NEBL: variants seen among roughly 807,000 people sequenced by gnomAD.
The protein encoded by NEBL is LIM and SH3 protein 2.
In NEBL, 122 loss-of-function variants were observed where a neutral mutation model predicts 140.2. The observed-to-expected ratio is 0.87, with a 90% CI of 0.75 to 1.01. The LOEUF (loss-of-function observed/expected upper bound fraction) is 1.01, where lower values mean the gene tolerates loss of function less well. NEBL is among the 50% of genes least tolerant of loss of function. The probability of loss-of-function intolerance (pLI) is 0.00; values close to 1 mark genes in which losing one functional copy is unlikely to be tolerated. For missense variants in NEBL, 1,365 were observed against 1,231.3 expected, an observed-to-expected ratio of 1.11 and a Z score of -1.62; for synonymous variants, 436 against 398.9, an observed-to-expected ratio of 1.09 and a Z score of -1.11.
At chr10:20,895,545 A>G (rs1847403336) in intron 2 of NEBL, among the ~76,000 whole-genome samples, 1 of 152,206 alleles carries the variant, frequency 6.6e-6, no homozygotes, top group Non-Finnish European at 1.5e-5. Context: ...GGCACACAAT[A>G]GTCACTAAAT....
chr10:20,950,796 G>C (rs1190119136), intron 4 of NEBL, among the ~76,000 whole-genome samples: 1 of 152,098 alleles, frequency 6.6e-6, no homozygotes, highest in Non-Finnish European at 1.5e-5. Context: ...TTTGTTTATG[G>C]GAAATTGATT....
intron 3 of NEBL, among the ~76,000 whole-genome samples, chr10:21,217,389 T>A (rs1157901909): frequency 2.0e-5 from 3 of 152,176 alleles, no homozygotes; most frequent in Non-Finnish European, 4.4e-5. Flanking sequence ...CAGGGGAAAC[T>A]CTATCTGGTT....
chr10:20,992,493 T>C (rs1589116111), intron 3 of NEBL, among the ~76,000 whole-genome samples: 1 of 152,052 alleles, frequency 6.6e-6, no homozygotes, highest in Admixed American at 6.6e-5. Context: ...GGCTCAAGGG[T>C]GGCACAGGCC....
chr10:21,238,840 T>G (rs951347349), intron 3 of NEBL, among the ~76,000 whole-genome samples: 2 of 152,036 alleles, frequency 1.3e-5, no homozygotes, highest in Non-Finnish European at 2.9e-5. Context: ...GGCAGGTGTC[T>G]GACTAGTTAC....
intron 26 of NEBL, among the ~76,000 whole-genome samples, chr10:20,807,552 C>T (rs577077774): frequency 7.2e-5 from 11 of 152,194 alleles, no homozygotes; most frequent in Non-Finnish European, 1.5e-4. Flanking sequence ...TAGTGTTTCA[C>T]TGTAATGAGT....
chr10:21,034,167 GAAAAAAA>G (rs964552949), intron 2 of NEBL, among the ~76,000 whole-genome samples: 2,042 of 33,492 alleles, frequency 0.061, 66 homozygotes, highest in African/African-American at 0.16. Flanking sequence ...ACCCTATCTC[GAAAAAAA>G]AAAAAAAAAA....
chr10:21,149,917 C>A (rs1215867626), intron 2 of NEBL, among the ~76,000 whole-genome samples: 3 of 152,174 alleles, frequency 2.0e-5, no homozygotes, highest in Non-Finnish European at 2.9e-5. Context: ...AAATCCCTCA[C>A]ACATCTGGTC....
At chr10:20,798,604 T>C (rs1287347229) in intron 26 of NEBL, among the ~76,000 whole-genome samples, 2 of 152,236 alleles carry the variant, frequency 1.3e-5, no homozygotes, top group African/African-American at 2.4e-5. Context: ...CTCCTTTACA[T>C]GCATGTCACT....
chr10:21,027,035 T>C (rs555639556), intron 2 of NEBL, among the ~76,000 whole-genome samples: 14 of 152,322 alleles, frequency 9.2e-5, no homozygotes, highest in Non-Finnish European at 1.9e-4. Flanking sequence ...TAAGCGCATC[T>C]TGTGTGGCTC....
At chr10:20,940,640 A>C (rs1426563739) in intron 4 of NEBL, among the ~76,000 whole-genome samples, 1 of 141,622 alleles carries the variant, frequency 7.1e-6, no homozygotes, top group African/African-American at 2.7e-5. Flanking sequence ...ATCAATGAAC[A>C]CAAGGAGCTG....
intron 2 of NEBL, among the ~76,000 whole-genome samples, chr10:21,076,824 A>G (rs188669661): frequency 2.8e-4 from 43 of 152,322 alleles, no homozygotes; most frequent in African/African-American, 9.1e-4. Context: ...TCATAGAGAC[A>G]GAAACTAGGC....
At chr10:20,983,588 T>C (rs1178017365) in intron 3 of NEBL, among the ~76,000 whole-genome samples, 3 of 152,228 alleles carry the variant, frequency 2.0e-5, no homozygotes, top group African/African-American at 7.2e-5. Context: ...TGTCCATAGG[T>C]ATTCACAAGC....
chr10:21,219,758 A>G (rs1349615751), intron 3 of NEBL, among the ~76,000 whole-genome samples: 1 of 151,358 alleles, frequency 6.6e-6, no homozygotes, highest in Non-Finnish European at 1.5e-5. Flanking sequence ...CTCTTCAACT[A>G]CCTTTATCAA....
chr10:20,902,110 A>G (rs1564434429), upstream of NEBL, among the ~76,000 whole-genome samples: 1 of 152,110 alleles, frequency 6.6e-6, no homozygotes, highest in Non-Finnish European at 1.5e-5. Context: ...TGCTATTAAG[A>G]TTTAATAAGG....
chr10:21,045,978 C>T (rs1159843689), intron 2 of NEBL, among the ~76,000 whole-genome samples: 3 of 149,064 alleles, frequency 2.0e-5, no homozygotes, highest in Admixed American at 6.8e-5. Context: ...AAGTGCCCGT[C>T]GGCAGATGAA....
intron 5 of NEBL, among the ~76,000 whole-genome samples, chr10:20,870,939 C>G (rs1481186194): frequency 6.6e-6 from 1 of 152,200 alleles, no homozygotes; most frequent in Non-Finnish European, 1.5e-5. Flanking sequence ...TCCGATGGCC[C>G]ATGTTTCACT....
intron 3 of NEBL, among the ~76,000 whole-genome samples, chr10:21,242,596 G>A (rs547008289): frequency 1.3e-5 from 2 of 151,970 alleles, no homozygotes; most frequent in Non-Finnish European, 2.9e-5. Flanking sequence ...CATGTACCCT[G>A]AGCCTAAAAT....
In NEBL at chr10:21,261,202, C is replaced by T. The variant is rs186180302; in HGVS notation, n.183-9374G>A. On this transcript the variant is annotated intron_variant and non_coding_transcript_variant, in intron 1 of 8. Coordinates refer to the NEBL transcript ENST00000675702. ...TCTGAATACACATGAAACATCAAGG[C>T]AGTGGGAGCCACAAGGCTCCAGGCT... Among the ~76,000 whole-genome samples the T allele has an allele frequency of 2.0e-5, 3 of 152,260 alleles. No individual in the cohort carries two copies. The East Asian group carries it at 5.8e-4, about 29-fold the overall frequency.
At chr10:21,210,209 T>C (rs572312349) in intron 3 of NEBL, among the ~76,000 whole-genome samples, 3 of 152,204 alleles carry the variant, frequency 2.0e-5, no homozygotes, top group African/African-American at 4.8e-5. Context: ...CTGGACAACA[T>C]GGTGAAACCC....
Sources: allele counts gnomAD v4.1 joint callset (sites outside exome capture counted in the v4.1 genomes callset), GRCh38; gene constraint gnomAD v4.1.1; transcripts MANE v1.5; gene names NCBI Gene and HGNC (gene_info 2026-07-23, HGNC 2026-07-21).